The following KIAA1549L variants were observed in gnomAD, a reference collection of about 807,000 sequenced individuals.
The protein encoded by KIAA1549L is UPF0606 protein KIAA1549L.
A neutral mutation model predicts 160.7 loss-of-function variants in KIAA1549L; 88 were observed. That is an observed-to-expected ratio of 0.55 (90% CI 0.46 to 0.65). KIAA1549L has a LOEUF of 0.65. Ranked by LOEUF, KIAA1549L falls within the 30% of genes least tolerant of loss-of-function variation. The probability of loss-of-function intolerance (pLI) is 0.00; values close to 1 mark genes in which losing one functional copy is unlikely to be tolerated. For missense variants in KIAA1549L, 2,258 were observed against 2,437.5 expected (o/e 0.93, Z 1.55); for synonymous variants, 950 against 976.7 (o/e 0.97, Z 0.51).
At chr11:33,443,363 C>A (rs1259387747) in intron 1 of KIAA1549L, among the ~76,000 whole-genome samples, 1 of 151,316 alleles carries the variant, frequency 6.6e-6, no homozygotes, top group Non-Finnish European at 1.5e-5. Context: ...AAAACTTTAT[C>A]TGTGGGGATT....
chr11:33,667,504 T>C (rs747298712), intron 20 of KIAA1549L, among the ~76,000 whole-genome samples: 22 of 152,038 alleles, frequency 1.4e-4, no homozygotes, highest in Non-Finnish European at 2.1e-4. Context: ...GTGACTCTCC[T>C]GCTTCAGCCT....
intron 19 of KIAA1549L, 132 bp downstream of exon 19, chr11:33,659,030 C>T: frequency 2.0e-6 from 2 of 985,928 alleles, no homozygotes; most frequent in Non-Finnish European, 2.9e-6. Context: ...TCTGGATCCC[C>T]TCATAACTTC....
chr11:33,594,914 A>G (rs1463036370), intron 12 of KIAA1549L, among the ~76,000 whole-genome samples: 4 of 152,216 alleles, frequency 2.6e-5, no homozygotes, highest in Admixed American at 1.3e-4. Context: ...AAATACAACA[A>G]AGGCTTATTA....
At chr11:33,622,589 A>G (rs7109063) in intron 16 of KIAA1549L, among the ~76,000 whole-genome samples, 4,733 of 152,264 alleles carry the variant, frequency 0.031, 253 homozygotes, top group African/African-American at 0.11. Context: ...AGTGCACACA[A>G]GTGCATCTAA....
intron 1 of KIAA1549L, among the ~76,000 whole-genome samples, chr11:33,490,800 C>T (rs985090614): frequency 4.6e-5 from 7 of 152,140 alleles, no homozygotes; most frequent in Non-Finnish European, 8.8e-5. Flanking sequence ...CTAAAATGCC[C>T]GTGAATTACC....
intron 1 of KIAA1549L, among the ~76,000 whole-genome samples, chr11:33,435,176 C>T (rs996544257): frequency 2.6e-5 from 4 of 152,030 alleles, no homozygotes; most frequent in African/African-American, 4.8e-5. Flanking sequence ...TGATGTGTGC[C>T]CTTTCCTATT....
At chr11:33,411,952 A>C (rs926124551) in intron 1 of KIAA1549L, among the ~76,000 whole-genome samples, 2 of 152,198 alleles carry the variant, frequency 1.3e-5, no homozygotes, top group Non-Finnish European at 2.9e-5. Flanking sequence ...AGTGCTTTCC[A>C]TTCTAGCCGC....
intron 1 of KIAA1549L, among the ~76,000 whole-genome samples, chr11:33,441,726 A>C (rs1162998737): frequency 2.6e-5 from 4 of 152,210 alleles, no homozygotes; most frequent in African/African-American, 9.6e-5. Flanking sequence ...GTCTTTTGAG[A>C]AGTGTCTGTT....
chr11:33,446,177 C>T (rs1021493094), intron 1 of KIAA1549L, among the ~76,000 whole-genome samples: 6 of 151,652 alleles, frequency 4.0e-5, no homozygotes, highest in Non-Finnish European at 7.4e-5. Context: ...TCACTGCAAC[C>T]TCCGCCTCCC....
intron 17 of KIAA1549L, among the ~76,000 whole-genome samples, chr11:33,651,524 T>C (rs536452124): frequency 6.6e-6 from 1 of 151,662 alleles, no homozygotes; most frequent in African/African-American, 2.4e-5. Context: ...GAAAGGGCCC[T>C]AGATTCGAAG....
intron 16 of KIAA1549L, among the ~76,000 whole-genome samples, chr11:33,629,254 CAAT>C (rs1851207444): frequency 6.6e-6 from 1 of 152,108 alleles, no homozygotes; most frequent in African/African-American, 2.4e-5. Context: ...GTGAATCTGA[CAAT>C]TATATGTCTT....
intron 16 of KIAA1549L, among the ~76,000 whole-genome samples, chr11:33,641,267 T>G (rs1490599781): frequency 6.6e-6 from 1 of 152,100 alleles, no homozygotes; most frequent in African/African-American, 2.4e-5. Context: ...AGGTCCCGGA[T>G]TGGGGGCTGT....
chr11:33,562,890 A>C (rs1262146521), intron 8 of KIAA1549L, among the ~76,000 whole-genome samples: 2 of 151,884 alleles, frequency 1.3e-5, no homozygotes, highest in Admixed American at 6.6e-5. Flanking sequence ...CATGTTGGCC[A>C]GGCTGGTCTC....
Position 33,576,724 on chromosome 11 carries a change from A to G in KIAA1549L, c.4402+1851A>G, listed in dbSNP as rs569004241. On this transcript the variant is annotated intron_variant, in intron 10 of 20. Transcript: ENST00000658780. ...GTAGCCAGGGAAGGAAGCGGGGCTCAGAGGAATCAAGGATGACTCCTAGGT... is the reference window on the plus strand; with the variant it reads ...GTAGCCAGGGAAGGAAGCGGGGCTCGGAGGAATCAAGGATGACTCCTAGGT... 3.9e-5 allele frequency among the ~76,000 whole-genome samples: 6 copies of G among 152,344 alleles called. No homozygotes were observed. In the East Asian group the frequency reaches 7.7e-4, roughly 20 times the overall value.
At chr11:33,435,800 A>ATATGTGTGTG (rs1554976797) in intron 1 of KIAA1549L, among the ~76,000 whole-genome samples, 339 of 12,654 alleles carry the variant, frequency 0.027, 1 homozygote, top group Non-Finnish European at 0.037. Flanking sequence ...ATATATATAT[A>ATATGTGTGTG]TATATATATA....
Position 33,669,777 on chromosome 11 carries a change from C to G in KIAA1549L, c.*1623C>G, listed in dbSNP as rs1375302769. The G allele has an allele frequency of 6.6e-6, 1 of 152,168 alleles. No individual in the cohort carries two copies. The highest frequency in any genetic ancestry group is 2.4e-5 in the African/African-American group (1 of 41,438). 9.4% of individuals were successfully genotyped at this position (152,168 alleles called of 1,614,324 possible). A position where few individuals can be genotyped will look rare whatever the true frequency, so the allele number is the denominator to read the frequency against. ...TTATATTTTCCAATGGCAAACTGCCCTTTCTGGAATGTTCAGAGATGATGT... is the reference window on the plus strand; with the variant it reads ...TTATATTTTCCAATGGCAAACTGCCGTTTCTGGAATGTTCAGAGATGATGT... On this transcript the variant is annotated 3_prime_UTR_variant, in exon 21 of 21. Transcript: ENST00000658780.
At chr11:33,580,324 A>T (rs1446564922) in intron 10 of KIAA1549L, among the ~76,000 whole-genome samples, 9 of 152,154 alleles carry the variant, frequency 5.9e-5, no homozygotes, top group African/African-American at 1.7e-4. Context: ...CTATAATCCC[A>T]GCACTTTGGG....
chr11:33,428,465 G>A (rs1307523511), intron 1 of KIAA1549L, among the ~76,000 whole-genome samples: 8 of 143,374 alleles, frequency 5.6e-5, no homozygotes, highest in Non-Finnish European at 9.1e-5. Flanking sequence ...CCCCGCCCAC[G>A]ACAGGACCTA....
chr11:33,630,117 TGAG>T, intron 16 of KIAA1549L, among the ~76,000 whole-genome samples: 1 of 151,556 alleles, frequency 6.6e-6, no homozygotes, highest in East Asian at 1.9e-4. Flanking sequence ...GGGACCCACT[TGAG>T]GAGGCAGTCT....
Sources: gnomAD v4.1 joint callset for allele counts (sites outside exome capture counted in the v4.1 genomes callset) on GRCh38, gnomAD v4.1.1 for gene constraint, MANE v1.5 for transcripts, NCBI Gene and HGNC (gene_info 2026-07-23, HGNC 2026-07-21) for gene names.